Variants in AUTS2 observed in about 807,000 individuals in gnomAD.
AUTS2 encodes autism susceptibility gene 2 protein.
In AUTS2, 17 loss-of-function variants were observed where a neutral mutation model predicts 112.4. That is an observed-to-expected ratio of 0.15 (90% confidence interval 0.10 to 0.23). The LOEUF (loss-of-function observed/expected upper bound fraction) is 0.23. AUTS2 is among the 10% of genes least tolerant of loss of function. The probability of loss-of-function intolerance (pLI) is 1.00; values close to 1 mark genes in which losing one functional copy is unlikely to be tolerated. For synonymous variants in AUTS2, 751 were observed against 702.7 expected (o/e 1.07, Z -1.09); for missense variants, 1,510 against 1,701.6 (o/e 0.89, Z 1.98).
intron 4 of AUTS2, among the ~76,000 whole-genome samples, chr7:70,324,582 A>G (rs1428573462): frequency 7.2e-5 from 11 of 151,908 alleles, no homozygotes; most frequent in Non-Finnish European, 1.6e-4. Context: ...CTGTGACCAT[A>G]CCACTGCACT....
At chr7:69,967,822 C>G (rs886895047) in intron 2 of AUTS2, among the ~76,000 whole-genome samples, 1 of 152,194 alleles carries the variant, frequency 6.6e-6, no homozygotes, top group African/African-American at 2.4e-5. Flanking sequence ...AATATGGTTT[C>G]TTTTCCCAGG....
At chr7:70,598,422 C>T (rs931622047) in intron 5 of AUTS2, among the ~76,000 whole-genome samples, 1 of 152,182 alleles carries the variant, frequency 6.6e-6, no homozygotes, top group Admixed American at 6.5e-5. Flanking sequence ...CTTGAAGATA[C>T]AACACGGATG....
chr7:69,797,761 G>A (rs1692571147), intron 1 of AUTS2, among the ~76,000 whole-genome samples: 1 of 149,744 alleles, frequency 6.7e-6, no homozygotes, highest in African/African-American at 2.4e-5. Flanking sequence ...TTTAAAAAAA[G>A]AAACAGGGAG....
At chr7:70,048,682 T>G (rs1389587124) in intron 2 of AUTS2, among the ~76,000 whole-genome samples, 2 of 152,240 alleles carry the variant, frequency 1.3e-5, no homozygotes, top group African/African-American at 2.4e-5. Context: ...GTTGAAATTT[T>G]GCAAATCATC....
intron 4 of AUTS2, among the ~76,000 whole-genome samples, chr7:70,304,315 G>A: frequency 6.6e-6 from 1 of 152,196 alleles, no homozygotes; most frequent in Admixed American, 6.5e-5. Flanking sequence ...GAATGATAGT[G>A]TTTACTTGAT....
At chr7:70,723,143 A>G (rs778465411) in intron 6 of AUTS2, among the ~76,000 whole-genome samples, 2 of 152,200 alleles carry the variant, frequency 1.3e-5, no homozygotes, top group Non-Finnish European at 2.9e-5. Flanking sequence ...CTCTTCCCTA[A>G]TCATGTTAAT....
intron 4 of AUTS2, among the ~76,000 whole-genome samples, chr7:70,151,430 TAATC>T (rs1018037559): frequency 2.6e-5 from 4 of 152,128 alleles, no homozygotes; most frequent in Admixed American, 6.6e-5. Context: ...TATTGAGAAA[TAATC>T]AGTCATTGAC....
chr7:69,685,056 C>T (rs1032394866), intron 1 of AUTS2, among the ~76,000 whole-genome samples: 9 of 152,138 alleles, frequency 5.9e-5, no homozygotes, highest in African/African-American at 9.7e-5. Context: ...GACTCCACAC[C>T]GCTTCTGGGC....
At chr7:69,625,877 AAGAC>A (rs1222186043) in intron 1 of AUTS2, among the ~76,000 whole-genome samples, 1 of 152,102 alleles carries the variant, frequency 6.6e-6, no homozygotes, top group Non-Finnish European at 1.5e-5. Context: ...AGAAAAGAAA[AAGAC>A]AGGGAAGGGA....
At chr7:70,319,479 A>T (rs567800811) in intron 4 of AUTS2, among the ~76,000 whole-genome samples, 2 of 152,302 alleles carry the variant, frequency 1.3e-5, no homozygotes, top group South Asian at 2.1e-4. Flanking sequence ...AAAAATAAAT[A>T]CTTTGGAGTA....
intron 5 of AUTS2, among the ~76,000 whole-genome samples, chr7:70,592,383 G>T (rs1802991364): frequency 6.6e-6 from 1 of 150,520 alleles, no homozygotes; most frequent in Non-Finnish European, 1.5e-5. Context: ...ATTTTTTTTT[G>T]AGATGGAGTC....
At chr7:70,645,238 C>T (rs1003998666) in intron 5 of AUTS2, among the ~76,000 whole-genome samples, 2 of 149,142 alleles carry the variant, frequency 1.3e-5, no homozygotes, top group Admixed American at 6.7e-5. Context: ...TCCCAACCTC[C>T]CCTCATTCAT....
chr7:69,988,669 T>G (rs1436299266), intron 2 of AUTS2, among the ~76,000 whole-genome samples: 3 of 152,184 alleles, frequency 2.0e-5, no homozygotes, highest in Non-Finnish European at 4.4e-5. Flanking sequence ...CAAAATAGAA[T>G]GAACTAGGAA....
intron 4 of AUTS2, among the ~76,000 whole-genome samples, chr7:70,399,144 G>C (rs970865378): frequency 6.6e-6 from 1 of 151,734 alleles, no homozygotes; most frequent in African/African-American, 2.4e-5. Flanking sequence ...GCACCACTAT[G>C]CCTGGCTGAT....
intron 15 of AUTS2, chr7:70,782,025 G>T: frequency 4.6e-6 from 2 of 433,398 alleles, no homozygotes; most frequent in Non-Finnish European, 8.2e-6. Context: ...TATTAAACCA[G>T]TATAACTCAC....
At chr7:69,703,371 C>G (rs1450108759) in intron 1 of AUTS2, among the ~76,000 whole-genome samples, 1 of 152,156 alleles carries the variant, frequency 6.6e-6, no homozygotes, top group Non-Finnish European at 1.5e-5. Flanking sequence ...GGAAGGATAT[C>G]CTCAGCATCT....
At chr7:70,475,667 A>G (rs1797554123) in intron 5 of AUTS2, among the ~76,000 whole-genome samples, 1 of 152,232 alleles carries the variant, frequency 6.6e-6, no homozygotes, top group Admixed American at 6.5e-5. Flanking sequence ...TTCAAGGGAC[A>G]CAGGCAGTAT....
At chr7:70,176,285 ATAG>A (rs901755736) in intron 4 of AUTS2, among the ~76,000 whole-genome samples, 1 of 152,218 alleles carries the variant, frequency 6.6e-6, no homozygotes, top group South Asian at 2.1e-4. Flanking sequence ...TAATTATACA[ATAG>A]TAGTAGTATA....
At chr7:70,228,208 G>T (rs1811867653) in intron 4 of AUTS2, among the ~76,000 whole-genome samples, 1 of 151,048 alleles carries the variant, frequency 6.6e-6, no homozygotes, top group African/African-American at 2.4e-5. Flanking sequence ...TGTTTTGTCG[G>T]ACAGTATTCT....
Sources: allele counts gnomAD v4.1 joint callset (sites outside exome capture counted in the v4.1 genomes callset), GRCh38; gene constraint gnomAD v4.1.1; transcripts MANE v1.5; gene names NCBI Gene and HGNC (gene_info 2026-07-23, HGNC 2026-07-21).